Variants in RAPGEF5 observed in about 807,000 individuals in gnomAD.
RAPGEF5 encodes the protein M-Ras-regulated GEF.
Under a neutral mutation model 125.2 loss-of-function variants are expected in RAPGEF5, and 65 were observed. The observed-to-expected ratio is 0.52, with a 90% confidence interval of 0.43 to 0.64. RAPGEF5 has a LOEUF of 0.64. RAPGEF5 is among the 30% of genes least tolerant of loss of function. RAPGEF5 has a pLI of 0.00. For missense variants in RAPGEF5, 958 were observed against 1,048.1 expected, an observed-to-expected ratio of 0.91 and a Z score of 1.19; for synonymous variants, 391 against 385.9, an observed-to-expected ratio of 1.01 and a Z score of -0.16.
intron 9 of RAPGEF5, among the ~76,000 whole-genome samples, chr7:22,198,168 C>G (rs13229289): frequency 6.6e-6 from 1 of 152,036 alleles, no homozygotes; most frequent in Admixed American, 6.5e-5. Flanking sequence ...CACCTTAAAT[C>G]TCTAAGAATA....
At chr7:22,173,954 T>C (rs909447453) in intron 11 of RAPGEF5, among the ~76,000 whole-genome samples, 1 of 152,080 alleles carries the variant, frequency 6.6e-6, no homozygotes, top group Non-Finnish European at 1.5e-5. Context: ...GTATAAAGAA[T>C]ACTATGGAAA....
At chr7:22,204,683 G>T (rs922552681) in intron 9 of RAPGEF5, among the ~76,000 whole-genome samples, 2 of 152,168 alleles carry the variant, frequency 1.3e-5, no homozygotes, top group African/African-American at 2.4e-5. Context: ...CACGCCTTTG[G>T]TCTCTGCTGT....
chr7:22,231,556 C>G (rs933285351), intron 7 of RAPGEF5, among the ~76,000 whole-genome samples: 1 of 152,126 alleles, frequency 6.6e-6, no homozygotes, highest in African/African-American at 2.4e-5. Context: ...AAAACAAGTG[C>G]CAGACTTTGG....
chr7:22,220,110 T>C (rs911423178), intron 8 of RAPGEF5, 119 bp from the exon 9 acceptor site: 3 of 1,302,562 alleles, frequency 2.3e-6, no homozygotes, highest in African/African-American at 1.5e-5. Flanking sequence ...TAAATCATGG[T>C]CTTGGTAAAA....
At chr7:22,329,018 T>C (rs972164320) in intron 1 of RAPGEF5, among the ~76,000 whole-genome samples, 2 of 152,248 alleles carry the variant, frequency 1.3e-5, no homozygotes, top group Non-Finnish European at 1.5e-5. Context: ...TATTCTGCTC[T>C]GTAAGCTCCA....
chr7:22,315,567 ATT>A (rs907042420), intron 2 of RAPGEF5, 91 bp from the exon 3 acceptor site: 6 of 461,220 alleles, frequency 1.3e-5, no homozygotes, highest in African/African-American at 2.3e-5. Context: ...ATATATATAT[ATT>A]TATATATATT....
chr7:22,142,755 T>G (rs1053121493), intron 20 of RAPGEF5, among the ~76,000 whole-genome samples: 9 of 152,144 alleles, frequency 5.9e-5, no homozygotes, highest in Non-Finnish European at 5.9e-5. Context: ...GGAAATAAAA[T>G]CCACTCAATC....
chr7:22,349,616 A>G (rs1205746650), intron 1 of RAPGEF5, among the ~76,000 whole-genome samples: 2 of 152,184 alleles, frequency 1.3e-5, no homozygotes, highest in Non-Finnish European at 2.9e-5. Flanking sequence ...ATATGTATCA[A>G]TAAAAATAAA....
chr7:22,220,414 C>A lies in RAPGEF5; in HGVS notation c.871-423G>T, dbSNP rs146746939. 4.7e-4 allele frequency among the ~76,000 whole-genome samples: 71 copies of A among 152,248 alleles called. 1 individual carries two copies. The highest frequency in any genetic ancestry group is 2.3e-3 in the Admixed American group (35 of 15,294). ...ACAGAGCCCTAAAAATAACAATATGCAACACCCCAATTCTTTAGCTCCACA... is the reference window on the plus strand; with the variant it reads ...ACAGAGCCCTAAAAATAACAATATGAAACACCCCAATTCTTTAGCTCCACA... On this transcript the variant is annotated intron_variant, in intron 8 of 25. Coordinates refer to ENST00000665637, the MANE Select transcript of RAPGEF5 (RefSeq NM_012294.5).
intron 11 of RAPGEF5, among the ~76,000 whole-genome samples, chr7:22,187,607 C>T (rs1353810308): frequency 6.6e-6 from 1 of 152,136 alleles, no homozygotes; most frequent in Non-Finnish European, 1.5e-5. Flanking sequence ...GTGTCCAGTA[C>T]CTCTGTTCCC....
At chr7:22,166,051 TTA>T (rs998673151) in intron 12 of RAPGEF5, among the ~76,000 whole-genome samples, 3 of 147,014 alleles carry the variant, frequency 2.0e-5, no homozygotes, top group African/African-American at 7.4e-5. Flanking sequence ...TATATGTATA[TTA>T]TATATATATT....
chr7:22,140,154 C>T (rs1255891607), intron 20 of RAPGEF5, 39 bp from the exon 21 acceptor site: 3 of 1,491,462 alleles, frequency 2.0e-6, no homozygotes, highest in South Asian at 1.2e-5. Flanking sequence ...TTTGAGGAAA[C>T]ATTCTTTCCC....
intron 9 of RAPGEF5, among the ~76,000 whole-genome samples, chr7:22,204,224 T>C (rs904356048): frequency 2.6e-5 from 4 of 151,094 alleles, no homozygotes; most frequent in African/African-American, 4.9e-5. Flanking sequence ...TGAAACTTAG[T>C]TGTGTTTGAT....
chr7:22,308,094 T>C (rs776374103), intron 5 of RAPGEF5, among the ~76,000 whole-genome samples: 16 of 152,206 alleles, frequency 1.1e-4, no homozygotes, highest in Non-Finnish European at 1.6e-4. Context: ...ATAACAATGA[T>C]AATTTAGAAA....
intron 1 of RAPGEF5, among the ~76,000 whole-genome samples, chr7:22,348,721 C>T (rs1784271299): frequency 6.6e-6 from 1 of 152,138 alleles, no homozygotes; most frequent in South Asian, 2.1e-4. Flanking sequence ...TGGTGGTTAC[C>T]AGAGGCCAGG....
At chr7:22,212,219 C>A (rs963934209) in intron 9 of RAPGEF5, among the ~76,000 whole-genome samples, 1 of 152,120 alleles carries the variant, frequency 6.6e-6, no homozygotes, top group South Asian at 2.1e-4. Flanking sequence ...GTAATCCACC[C>A]GCCTTGGCCT....
intron 7 of RAPGEF5, among the ~76,000 whole-genome samples, chr7:22,262,436 G>A (rs567021675): frequency 5.3e-5 from 8 of 152,272 alleles, no homozygotes; most frequent in Admixed American, 5.2e-4. Flanking sequence ...TGGCAAGGAC[G>A]CAGGGAATCT....
chr7:22,191,528 C>A (rs1359061311), intron 11 of RAPGEF5: 2 of 470,482 alleles, frequency 4.3e-6, no homozygotes, highest in East Asian at 1.4e-4. Flanking sequence ...CCCCAACCAA[C>A]CCCTTCTTCC....
At chr7:22,317,122 C>T (rs1562526040) in intron 2 of RAPGEF5, among the ~76,000 whole-genome samples, 1 of 152,016 alleles carries the variant, frequency 6.6e-6, no homozygotes, top group Non-Finnish European at 1.5e-5. Context: ...TAATGAGCAA[C>T]TGTCAAGTGT....
Sources: allele counts gnomAD v4.1 joint callset (sites outside exome capture counted in the v4.1 genomes callset), GRCh38; gene constraint gnomAD v4.1.1; transcripts MANE v1.5; gene names NCBI Gene and HGNC (gene_info 2026-07-23, HGNC 2026-07-21).